The following SCP2 variants were observed in gnomAD, a reference collection of about 807,000 sequenced individuals.
SCP2 encodes sterol carrier protein 2, also known as SCP-2/3-oxoacyl-CoA thiolase.
SCP2 carries 48 observed loss-of-function variants against 71.4 expected under a neutral mutation model. The ratio of observed to expected loss-of-function variants is 0.67; its 90% CI spans 0.53 to 0.86. The LOEUF (loss-of-function observed/expected upper bound fraction) is 0.86, where lower values mean the gene tolerates loss of function less well. Ranked by LOEUF, SCP2 falls within the 40% of genes least tolerant of loss-of-function variation. The pLI is 0.00. For synonymous variants in SCP2, 220 were observed against 218.1 expected, an observed-to-expected ratio of 1.01 and a Z score of -0.08; for missense variants, 560 against 655.6, an observed-to-expected ratio of 0.85 and a Z score of 1.59.
chr1:52,973,195 G>A (rs1435867582), intron 6 of SCP2, among the ~76,000 whole-genome samples: 1 of 152,188 alleles, frequency 6.6e-6, no homozygotes, highest in Non-Finnish European at 1.5e-5. Flanking sequence ...TTTCACATGA[G>A]TGTAATATTG....
chr1:53,008,398 A>G (rs776199187), intron 11 of SCP2, among the ~76,000 whole-genome samples: 10 of 152,218 alleles, frequency 6.6e-5, no homozygotes, highest in Non-Finnish European at 1.3e-4. Flanking sequence ...CTGGCAAACC[A>G]AATCCAGCAA....
intron 12 of SCP2, among the ~76,000 whole-genome samples, chr1:53,027,582 G>A (rs1433811372): frequency 6.6e-6 from 1 of 152,044 alleles, no homozygotes; most frequent in Non-Finnish European, 1.5e-5. Flanking sequence ...TCGGCTCACT[G>A]CAACCTCCGC....
chr1:53,034,808 ATAAT>A lies in SCP2; in HGVS notation c.1339-4104_1339-4101del, dbSNP rs1056284585. The stretch of plus-strand genomic sequence containing the variant: ...TGTAAACACTTAAGTCTTTCTTAAA[ATAAT>A]TAATATTATGAGGCCAGGCACGGTG... On this transcript the variant is annotated intron_variant, in intron 13 of 15. Transcript: ENST00000371514. Among the ~76,000 whole-genome samples, 11 of 152,286 alleles carry A rather than the reference ATAAT, an allele frequency of 7.2e-5. No homozygotes were observed. In the East Asian group the frequency reaches 1.4e-3, roughly 19 times the overall value.
intron 1 of SCP2, among the ~76,000 whole-genome samples, chr1:52,933,871 T>A (rs1452894941): frequency 6.6e-6 from 1 of 152,212 alleles, no homozygotes; most frequent in African/African-American, 2.4e-5. Context: ...ACACTGATGG[T>A]GCAAAAGTAA....
intron 3 of SCP2, among the ~76,000 whole-genome samples, chr1:52,950,431 A>T (rs1655188142): frequency 1.3e-5 from 2 of 151,946 alleles, no homozygotes; most frequent in African/African-American, 2.4e-5. Context: ...AGGTTTAAAG[A>T]TTTTTTTCTG....
chr1:52,941,596 A>G lies in SCP2; in HGVS notation c.70-200A>G, dbSNP rs112333280. ...CTAAAAATACAAAAATTAGCTGGGC[A>G]TGGTGGTGTGCACCTGTAATCCCAG... On this transcript the variant is annotated intron_variant, in intron 1 of 15. Coordinates refer to ENST00000371514, the MANE Select transcript of SCP2 (RefSeq NM_002979.5). Among the ~76,000 whole-genome samples, 2,563 of 152,070 alleles carry G rather than the reference A, an allele frequency of 0.017. 44 individuals are homozygous for G. Among genetic ancestry groups the G allele is most frequent in the African/African-American group, 0.057 (2,365 of 41,446 alleles).
intron 11 of SCP2, among the ~76,000 whole-genome samples, chr1:52,991,199 A>G (rs898239212): frequency 2.6e-5 from 4 of 152,170 alleles, no homozygotes; most frequent in African/African-American, 9.7e-5. Context: ...GGAATATAGT[A>G]CCTACCTTAT....
intron 10 of SCP2, among the ~76,000 whole-genome samples, chr1:52,985,496 C>T (rs1658906580): frequency 6.6e-6 from 1 of 152,170 alleles, no homozygotes. Context: ...AGAACAGCAT[C>T]GTTTCTCATT....
intron 11 of SCP2, chr1:52,995,085 G>A: frequency 2.0e-6 from 1 of 499,946 alleles, no homozygotes; most frequent in Admixed American, 2.2e-5. Flanking sequence ...TAGATGTGGT[G>A]CAGGAGGAGT....
At chr1:53,009,221 A>C (rs554880151) in intron 11 of SCP2, among the ~76,000 whole-genome samples, 34 of 152,330 alleles carry the variant, frequency 2.2e-4, no homozygotes, top group Admixed American at 6.5e-4. Flanking sequence ...TTATAGATTC[A>C]GTGCCATCCC....
chr1:52,935,939 A>G (rs965385813), intron 1 of SCP2, among the ~76,000 whole-genome samples: 1 of 147,652 alleles, frequency 6.8e-6, no homozygotes, highest in African/African-American at 2.5e-5. Context: ...ACCTGTCTTG[A>G]AAAAAAAAAA....
At chr1:52,948,813 A>G (rs2150123071) in intron 3 of SCP2, among the ~76,000 whole-genome samples, 1 of 152,238 alleles carries the variant, frequency 6.6e-6, no homozygotes, top group East Asian at 1.9e-4. Context: ...TTGTATAATA[A>G]TTGCCACAAT....
intron 1 of SCP2, among the ~76,000 whole-genome samples, chr1:52,931,074 G>A (rs938038500): frequency 2.6e-5 from 4 of 152,190 alleles, no homozygotes; most frequent in Non-Finnish European, 5.9e-5. Flanking sequence ...ATCTCTGTTG[G>A]TGCTTTCCAT....
At chr1:52,950,980 T>G in intron 4 of SCP2, 94 bp downstream of exon 4, 1 of 1,442,544 alleles carries the variant, frequency 6.9e-7, no homozygotes, top group Non-Finnish European at 9.7e-7. Context: ...ATGTATTTGT[T>G]TTAAAAAAGT....
At chr1:52,975,667 G>A (rs981869107) in intron 7 of SCP2, among the ~76,000 whole-genome samples, 4 of 152,056 alleles carry the variant, frequency 2.6e-5, no homozygotes, top group African/African-American at 7.2e-5. Flanking sequence ...TAATATTATC[G>A]GCTCAAAAGT....
intron 6 of SCP2, among the ~76,000 whole-genome samples, chr1:52,964,200 T>G (rs906496799): frequency 4.6e-5 from 7 of 151,334 alleles, no homozygotes; most frequent in African/African-American, 1.7e-4. Context: ...TTGTCAAATT[T>G]TTTTCTTTTC....
rs1038535458 is a variant in SCP2, at chr1:52,994,836, T to C, written c.1081+6700T>C. Reference sequence around the variant, plus strand: ...AAATCGACCCCACCAGCACCTAACATGGGGACAGCGACCTGCAGCTGGACT... The same window carrying C: ...AAATCGACCCCACCAGCACCTAACACGGGGACAGCGACCTGCAGCTGGACT... On this transcript the variant is annotated intron_variant, in intron 11 of 15. Coordinates refer to ENST00000371514, the MANE Select transcript of SCP2 (RefSeq NM_002979.5). 3 of 510,402 alleles carry C rather than the reference T, an allele frequency of 5.9e-6. No individual in the cohort carries two copies. The Middle Eastern group carries it at 1.2e-3, about 209-fold the overall frequency. 31.6% of individuals were successfully genotyped at this position (510,402 alleles called of 1,614,324 possible).
chr1:52,974,230 G>C (rs943268953), intron 6 of SCP2, among the ~76,000 whole-genome samples: 3 of 151,884 alleles, frequency 2.0e-5, no homozygotes, highest in African/African-American at 7.3e-5. Flanking sequence ...CCTCATTACT[G>C]TACTTTTTTT....
chr1:53,017,923 C>T (rs539343958), intron 12 of SCP2, among the ~76,000 whole-genome samples: 2 of 152,170 alleles, frequency 1.3e-5, no homozygotes, highest in Non-Finnish European at 2.9e-5. Flanking sequence ...GGCACAATCT[C>T]GGCTCACTGC....
Sources: gnomAD v4.1 joint callset for allele counts (sites outside exome capture counted in the v4.1 genomes callset) on GRCh38, gnomAD v4.1.1 for gene constraint, MANE v1.5 for transcripts, NCBI Gene and HGNC (gene_info 2026-07-23, HGNC 2026-07-21) for gene names.